The following KCNT1 variants were observed in gnomAD, a reference collection of about 807,000 sequenced individuals.
KCNT1 encodes the protein potassium sodium-activated channel subfamily T member 1.
In KCNT1, 78 loss-of-function variants were observed where a neutral mutation model predicts 147.8. The observed-to-expected ratio is 0.53, with a 90% CI of 0.44 to 0.64. The LOEUF (loss-of-function observed/expected upper bound fraction) is 0.64. Ranked by LOEUF, KCNT1 falls within the 30% of genes least tolerant of loss-of-function variation. The pLI, the probability that KCNT1 is intolerant of heterozygous loss-of-function variation, is 0.00. For synonymous variants in KCNT1, 867 were observed against 748.8 expected, an observed-to-expected ratio of 1.16 and a Z score of -2.58; for missense variants, 1,419 against 1,750.3, an observed-to-expected ratio of 0.81 and a Z score of 3.38.
intron 2 of KCNT1, among the ~76,000 whole-genome samples, chr9:135,739,609 CCTT>C (rs1588290548): frequency 6.6e-6 from 1 of 152,188 alleles, no homozygotes; most frequent in African/African-American, 2.4e-5. Flanking sequence ...TCGGCACACC[CCTT>C]CCCCTGGGCC....
At position 135,795,262 on chromosome 9, in the gene KCNT1, A is replaced by G. The variant is rs1018871022; in HGVS notation, c.*3101A>G. ...AAGATCAGCGTGGGCAACATGATGA[A>G]CCCTGACTGTATCAAAAAGTACAAA... is the stretch of plus-strand genomic sequence containing the variant. On this transcript the variant is annotated 3_prime_UTR_variant, in exon 31 of 31. Transcript: ENST00000371757. 1 of 149,710 alleles carries G rather than the reference A, an allele frequency of 6.7e-6. No individual in the cohort carries two copies. Among genetic ancestry groups the G allele is most frequent in the South Asian group, 2.1e-4 (1 of 4,758 alleles). 9.3% of individuals were successfully genotyped at this position (149,710 alleles called of 1,614,324 possible).
intron 2 of KCNT1, among the ~76,000 whole-genome samples, chr9:135,719,629 A>C (rs1288690414): frequency 6.6e-6 from 1 of 151,934 alleles, no homozygotes; most frequent in African/African-American, 2.4e-5. Context: ...GGTCGCCAAC[A>C]CTCCCAGGCA....
At chr9:135,770,603 C>T (rs1010768824) in intron 17 of KCNT1, among the ~76,000 whole-genome samples, 156 bp downstream of exon 17, 1 of 152,156 alleles carries the variant, frequency 6.6e-6, no homozygotes, top group Non-Finnish European at 1.5e-5. Context: ...AGGGCAGCCG[C>T]AGGACTGGGC....
chr9:135,775,771 G>A (rs962067906), intron 20 of KCNT1, among the ~76,000 whole-genome samples: 34 of 152,150 alleles, frequency 2.2e-4, no homozygotes, highest in Admixed American at 1.8e-3. Context: ...CAGGGACCCC[G>A]GCCCGGCATG....
intron 11 of KCNT1, among the ~76,000 whole-genome samples, chr9:135,762,604 G>A (rs563635088): frequency 6.6e-6 from 1 of 152,156 alleles, no homozygotes; most frequent in South Asian, 2.1e-4. Context: ...GGAAAAATTA[G>A]CCAGGCATGA....
Position 135,778,487 on chromosome 9 carries a change from T to C in KCNT1, c.2586T>C (p.Ser862=). 1.3e-6 allele frequency: 2 copies of C among 1,567,942 alleles called. No homozygotes were observed. Among genetic ancestry groups the C allele is most frequent in the South Asian group, 1.2e-5 (1 of 86,132 alleles). The change falls in exon 22 of 31, where the codon TCT becomes TCC. Residue 862 remains serine, a synonymous_variant. Transcript: ENST00000371757. The stretch of plus-strand genomic sequence containing the variant: ...CCATGGTCTACTACATGGAGGGCTC[T>C]GTGGACAAGTAAGGCGTGGCCGGCC... The part of the protein sequence containing the change: ...CFPMVYYMEG[S]VDNLDSLLQC...
chr9:135,764,366 A>G (rs1033110718), intron 11 of KCNT1, among the ~76,000 whole-genome samples: 1 of 152,186 alleles, frequency 6.6e-6, no homozygotes, highest in African/African-American at 2.4e-5. Flanking sequence ...AGGTTGAGGC[A>G]GGAGGATGGC....
chr9:135,739,359 C>T (rs552240083), intron 2 of KCNT1, among the ~76,000 whole-genome samples: 60 of 152,232 alleles, frequency 3.9e-4, no homozygotes, highest in African/African-American at 1.4e-3. Flanking sequence ...TCTGTCAGTC[C>T]AGCTGTGGCA....
chr9:135,791,916 C>G (rs767562048), intron 30 of KCNT1, 35 bp downstream of exon 30: 8 of 1,612,520 alleles, frequency 5.0e-6, no homozygotes, highest in East Asian at 2.2e-5. Flanking sequence ...GGAGACCCCC[C>G]CTGAGCACCA....
intron 9 of KCNT1, 110 bp from the exon 10 acceptor site, chr9:135,758,304 C>T (rs1369520869): frequency 3.2e-5 from 26 of 803,582 alleles, no homozygotes; most frequent in East Asian, 1.0e-4. Context: ...TCAGCCGAGA[C>T]GCAGGTGTGG....
At position 135,732,723 on chromosome 9, in the gene KCNT1, G is replaced by T. The variant is rs1244708100; in HGVS notation, c.255-17375G>T. ...CTGGGTTTTGTTTTATTGTTGGCCGGGTTCTTTGTCTGCTGAAGTCCAACC... is the reference window on the plus strand; with the variant it reads ...CTGGGTTTTGTTTTATTGTTGGCCGTGTTCTTTGTCTGCTGAAGTCCAACC... On this transcript the variant is annotated intron_variant, in intron 2 of 30. Transcript: ENST00000371757. Among the ~76,000 whole-genome samples, 3 of 151,134 alleles carry T rather than the reference G, an allele frequency of 2.0e-5. No individual in the cohort carries two copies. The South Asian group carries it at 6.3e-4, about 32-fold the overall frequency.
Position 135,775,380 on chromosome 9 carries a change from G to T in KCNT1, c.2314G>T (p.Val772Leu). 3 of 1,611,122 alleles carry T rather than the reference G, an allele frequency of 1.9e-6. No homozygotes were observed. In the African/African-American group the frequency reaches 4.0e-5, roughly 21 times the overall value. Reference sequence around the variant, plus strand: ...CCCAACCCTGTGCCACCTCCTGCCTGTGAAAGCCCCCTTCTGCTGCCTGCG... The same window carrying T: ...CCCAACCCTGTGCCACCTCCTGCCTTTGAAAGCCCCCTTCTGCTGCCTGCG... ...SSPTLCHLLP[V>L]KAPFCCLRLD... The change falls in exon 20 of 31, where the codon GTG becomes TTG. Residue 772 changes from valine to leucine, a missense_variant. By Grantham distance (32) the Val-to-Leu change is conservative (BLOSUM62 1). This residue lies in a region of KCNT1 where 247 missense variants were observed against 397.1 expected (regional missense o/e 0.62). Coordinates refer to ENST00000371757, the MANE Select transcript of KCNT1 (RefSeq NM_020822.3).
intron 24 of KCNT1, among the ~76,000 whole-genome samples, chr9:135,781,376 C>T (rs567513838): frequency 5.9e-5 from 9 of 152,232 alleles, no homozygotes; most frequent in African/African-American, 1.9e-4. Context: ...ACCACCTGAC[C>T]CATCACCCTC....
At chr9:135,703,143 A>T (rs1835105038) in intron 1 of KCNT1, 1 of 152,556 alleles carries the variant, frequency 6.6e-6, no homozygotes, top group Admixed American at 6.5e-5. Context: ...CAGCTCTTGA[A>T]AACAGGCAAG....
chr9:135,757,916 C>T (rs934024219), intron 9 of KCNT1, among the ~76,000 whole-genome samples: 2 of 152,236 alleles, frequency 1.3e-5, no homozygotes, highest in African/African-American at 4.8e-5. Context: ...GGTAAATCAG[C>T]GTTACCATGC....
chr9:135,755,300 T>G, intron 6 of KCNT1, 131 bp downstream of exon 6: 1 of 663,956 alleles, frequency 1.5e-6, no homozygotes, highest in South Asian at 2.6e-5. Context: ...CAGTAAATGC[T>G]AAGAACAAAC....
At chr9:135,787,621 G>A (rs923080180) in intron 29 of KCNT1, among the ~76,000 whole-genome samples, 6 of 152,206 alleles carry the variant, frequency 3.9e-5, no homozygotes, top group Non-Finnish European at 7.3e-5. Flanking sequence ...GCTGGCCTGC[G>A]GGCCCGAAGG....
intron 20 of KCNT1, among the ~76,000 whole-genome samples, chr9:135,776,946 G>A (rs1833213145): frequency 6.6e-6 from 1 of 152,240 alleles, no homozygotes. Flanking sequence ...ATTCCTTTTA[G>A]TGGAAAATGA....
At chr9:135,711,328 T>A (rs930784536) in intron 1 of KCNT1, among the ~76,000 whole-genome samples, 15 of 151,996 alleles carry the variant, frequency 9.9e-5, no homozygotes, top group African/African-American at 3.6e-4. Context: ...CAGGCACTCC[T>A]GGCTATCAGA....
Sources: gnomAD v4.1 joint callset for allele counts (sites outside exome capture counted in the v4.1 genomes callset) on GRCh38, gnomAD v4.1.1 for gene constraint, gnomAD v4.1.1 regional missense constraint, MANE v1.5 for transcripts, NCBI Gene and HGNC (gene_info 2026-07-23, HGNC 2026-07-21) for gene names.